The following SCN9A variants were observed in gnomAD, a reference collection of about 807,000 sequenced individuals.
The protein encoded by SCN9A is sodium channel protein type 9 subunit alpha.
In SCN9A, 131 loss-of-function variants were observed where a neutral mutation model predicts 187.0. The ratio of observed to expected loss-of-function variants is 0.70; its 90% CI spans 0.61 to 0.81. The LOEUF (loss-of-function observed/expected upper bound fraction) is 0.81, where lower values mean the gene tolerates loss of function less well. SCN9A is among the 30% of genes least tolerant of loss of function. The pLI, the probability that SCN9A is intolerant of heterozygous loss-of-function variation, is 0.00. For synonymous variants in SCN9A, 809 were observed against 808.6 expected (o/e 1.00, Z -0.01); for missense variants, 2,252 against 2,396.6 (o/e 0.94, Z 1.26).
At chr2:166,210,970 G>C (rs1252681438) in intron 24 of SCN9A, among the ~76,000 whole-genome samples, 1 of 152,096 alleles carries the variant, frequency 6.6e-6, no homozygotes, top group African/African-American at 2.4e-5. Context: ...CTGAGGCAGA[G>C]AGAATTGCTT....
At chr2:166,235,669 T>C (rs1695284494) in intron 20 of SCN9A, among the ~76,000 whole-genome samples, 1 of 150,528 alleles carries the variant, frequency 6.6e-6, no homozygotes. Context: ...TAAGTTTCTA[T>C]ACTTTTCAGA....
intron 13 of SCN9A, 126 bp downstream of exon 13, chr2:166,281,553 C>T (rs952225935): frequency 6.6e-6 from 5 of 756,794 alleles, no homozygotes; most frequent in Non-Finnish European, 1.0e-5. Context: ...TTATCTTTAC[C>T]ATCATTTAAA....
At chr2:166,370,547 A>C (rs1003415963) in intron 1 of SCN9A, among the ~76,000 whole-genome samples, 1 of 151,646 alleles carries the variant, frequency 6.6e-6, no homozygotes, top group Admixed American at 6.6e-5. Context: ...CGTCTCAAAA[A>C]AATAAAAAAT....
intron 1 of SCN9A, among the ~76,000 whole-genome samples, chr2:166,341,933 T>C (rs1699795138): frequency 6.6e-6 from 1 of 152,208 alleles, no homozygotes; most frequent in Non-Finnish European, 1.5e-5. Flanking sequence ...AATACTAGGA[T>C]ATTCTGATCT....
At chr2:166,374,662 AAAG>A (rs1187608302) in intron 1 of SCN9A, among the ~76,000 whole-genome samples, 1 of 152,098 alleles carries the variant, frequency 6.6e-6, no homozygotes, top group African/African-American at 2.4e-5. Context: ...AATAACAAGG[AAAG>A]AAAGAGAAAG....
Position 166,307,899 on chromosome 2 carries a change from G to T in SCN9A, c.259-825C>A, listed in dbSNP as rs180886733. On this transcript the variant is annotated intron_variant, in intron 2 of 26. Coordinates refer to ENST00000642356, the MANE Select transcript of SCN9A (RefSeq NM_001365536.1). ...TCCCAGCCTTATTTTTCTCCGGTTG[G>T]CAGGAAGATGACTTGTGTTAGCTGA... Among the ~76,000 whole-genome samples the T allele has an allele frequency of 1.2e-3, 185 of 152,312 alleles. 1 individual carries two copies. The highest frequency in any genetic ancestry group is 4.3e-3 in the African/African-American group (180 of 41,572).
chr2:166,217,991 A>G (rs1694408829), intron 24 of SCN9A, among the ~76,000 whole-genome samples: 1 of 152,082 alleles, frequency 6.6e-6, no homozygotes, highest in Non-Finnish European at 1.5e-5. Context: ...ATGTAATTGC[A>G]GTTTTTACCA....
In SCN9A at chr2:166,311,774, T is replaced by A; in HGVS notation, c.-18A>T. ...ATTGCCATCTTTTCATCCTGTATAT[T>A]TTAATTCCTCTTCAGCTCCTCACAT... On this transcript the variant is annotated 5_prime_UTR_variant, in exon 2 of 27. Coordinates refer to ENST00000642356, the MANE Select transcript of SCN9A (RefSeq NM_001365536.1). The A allele has an allele frequency of 6.4e-7, 1 of 1,567,444 alleles. No individual in the cohort carries two copies. Among genetic ancestry groups the A allele is most frequent in the East Asian group, 2.3e-5 (1 of 44,440 alleles).
At chr2:166,238,003 A>G in intron 20 of SCN9A, 91 bp downstream of exon 20, 1 of 881,186 alleles carries the variant, frequency 1.1e-6, no homozygotes, top group Non-Finnish European at 1.7e-6. Context: ...TAACAAAATT[A>G]AAATATGATA....
intron 1 of SCN9A, among the ~76,000 whole-genome samples, chr2:166,364,903 C>T (rs1402882004): frequency 6.6e-6 from 1 of 152,066 alleles, no homozygotes; most frequent in African/African-American, 2.4e-5. Context: ...CAGAAAGAGT[C>T]AGTAAGAGAA....
At chr2:166,357,079 TATTAGTTA>T (rs1700167146) in intron 1 of SCN9A, among the ~76,000 whole-genome samples, 2 of 152,088 alleles carry the variant, frequency 1.3e-5, no homozygotes, top group South Asian at 4.1e-4. Flanking sequence ...GCCAAGTACT[TATTAGTTA>T]TTTTTCCTGA....
At chr2:166,372,109 A>AGT (rs1174521533) in intron 1 of SCN9A, among the ~76,000 whole-genome samples, 3 of 151,334 alleles carry the variant, frequency 2.0e-5, no homozygotes, top group African/African-American at 7.3e-5. Flanking sequence ...TGTGAGTGTG[A>AGT]GTGTGTGTGT....
intron 24 of SCN9A, among the ~76,000 whole-genome samples, chr2:166,207,427 T>TG (rs1558948308): frequency 2.6e-4 from 30 of 114,088 alleles, no homozygotes; most frequent in African/African-American, 8.4e-4. Context: ...CTTAGAGTGT[T>TG]TTTGTTGTTG....
intron 19 of SCN9A, among the ~76,000 whole-genome samples, chr2:166,239,582 T>G (rs2106405921): frequency 6.6e-6 from 1 of 152,162 alleles, no homozygotes; most frequent in Admixed American, 6.5e-5. Flanking sequence ...TTGGCAGAGG[T>G]TCTGAAATTC....
At chr2:166,326,531 TTG>T (rs1444903020) in intron 1 of SCN9A, among the ~76,000 whole-genome samples, 6 of 152,124 alleles carry the variant, frequency 3.9e-5, no homozygotes, top group Non-Finnish European at 8.8e-5. Flanking sequence ...AGCCAGGATT[TTG>T]TGTCAAGAAT....
chr2:166,299,319 C>T (rs920246767), intron 7 of SCN9A, among the ~76,000 whole-genome samples: 1 of 150,640 alleles, frequency 6.6e-6, no homozygotes, highest in Non-Finnish European at 1.5e-5. Flanking sequence ...TCTTTTCACC[C>T]CTGTATGCAC....
chr2:166,269,326 C>T (rs991204426), intron 17 of SCN9A, among the ~76,000 whole-genome samples: 6 of 151,940 alleles, frequency 3.9e-5, no homozygotes, highest in African/African-American at 1.4e-4. Context: ...GATAGCTAAC[C>T]ATTATGACAA....
At chr2:166,303,643 G>A (rs184769972) in intron 6 of SCN9A, among the ~76,000 whole-genome samples, 5 of 152,204 alleles carry the variant, frequency 3.3e-5, no homozygotes, top group Admixed American at 3.3e-4. Flanking sequence ...AGCATATAGT[G>A]ACACCTTGTA....
intron 1 of SCN9A, among the ~76,000 whole-genome samples, chr2:166,324,012 A>G (rs1358722635): frequency 2.7e-5 from 4 of 150,910 alleles, no homozygotes; most frequent in African/African-American, 9.7e-5. Context: ...ACAACTCTAT[A>G]TTTTCTTATT....
Sources: gnomAD v4.1 joint callset for allele counts (sites outside exome capture counted in the v4.1 genomes callset) on GRCh38, gnomAD v4.1.1 for gene constraint, MANE v1.5 for transcripts, NCBI Gene and HGNC (gene_info 2026-07-23, HGNC 2026-07-21) for gene names.